SYN2: variants seen among roughly 807,000 people sequenced by gnomAD.
SYN2 encodes synapsin-2.
In SYN2, 19 loss-of-function variants were observed where a neutral mutation model predicts 50.9. That is an observed-to-expected ratio of 0.37 (90% CI 0.26 to 0.55). The LOEUF is 0.55. SYN2 is among the 20% of genes least tolerant of loss of function. The pLI, the probability that SYN2 is intolerant of heterozygous loss-of-function variation, is 0.81. For missense variants in SYN2, 587 were observed against 576.4 expected, an observed-to-expected ratio of 1.02 and a Z score of -0.19; for synonymous variants, 255 against 224.9, an observed-to-expected ratio of 1.13 and a Z score of -1.20.
chr3:12,157,886 A>G (rs937334169), intron 5 of SYN2, among the ~76,000 whole-genome samples: 3 of 152,172 alleles, frequency 2.0e-5, no homozygotes, highest in Non-Finnish European at 4.4e-5. Flanking sequence ...TACAGTTGAT[A>G]TTAGTAAATG....
At chr3:12,026,712 G>A (rs1279288266) in intron 1 of SYN2, among the ~76,000 whole-genome samples, 3 of 152,228 alleles carry the variant, frequency 2.0e-5, no homozygotes, top group African/African-American at 7.2e-5. Flanking sequence ...GCTAGGAGAC[G>A]TGGCTGGGAG....
chr3:12,016,328 T>C (rs1694029263), intron 1 of SYN2, among the ~76,000 whole-genome samples: 1 of 152,246 alleles, frequency 6.6e-6, no homozygotes, highest in African/African-American at 2.4e-5. Flanking sequence ...AATGTGTTAG[T>C]TGCCATGAAG....
chr3:12,119,516 T>C (rs1418013998), intron 1 of SYN2, among the ~76,000 whole-genome samples: 1 of 152,190 alleles, frequency 6.6e-6, no homozygotes, highest in Non-Finnish European at 1.5e-5. Flanking sequence ...TGCCAGCTCC[T>C]TTTTCCCCCC....
chr3:12,004,807 C>A lies in SYN2; in HGVS notation c.256C>A (p.Leu86Met). 2.4e-6 allele frequency: 1 copy of A among 418,728 alleles called. No homozygotes were observed. The highest frequency in any genetic ancestry group is 4.4e-5 in the Admixed American group (1 of 22,650). The allele number at this position is 418,728 out of a possible 1,614,324, so 25.9% of individuals were successfully genotyped here. The change falls in exon 1 of 13, where the codon CTG (leucine) becomes ATG (methionine). Residue 86 changes from leucine to methionine, a missense_variant. Coordinates refer to ENST00000621198, the MANE Select transcript of SYN2 (RefSeq NM_133625.6). ...GGTGGGCAGCAGCTTCTTCAGCTCG[C>A]TGTCCCAAGCCGTGAAGCAGACGGC... ...PSVGSSFFSSLSQAVKQTAAS... is the reference protein window; with the variant it reads ...PSVGSSFFSSMSQAVKQTAAS...
At chr3:12,158,568 A>G (rs1427544487) in intron 5 of SYN2, 10 of 1,358,090 alleles carry the variant, frequency 7.4e-6, no homozygotes, top group Non-Finnish European at 1.0e-5. Flanking sequence ...TTCTCCACCC[A>G]TCAGCCTCAG....
At chr3:12,083,983 C>G (rs1326280971) in intron 1 of SYN2, among the ~76,000 whole-genome samples, 1 of 152,010 alleles carries the variant, frequency 6.6e-6, no homozygotes. Flanking sequence ...TGGAATAGTC[C>G]CCTTGTTCAG....
At chr3:12,101,104 T>G (rs909796043) in intron 1 of SYN2, among the ~76,000 whole-genome samples, 7 of 152,198 alleles carry the variant, frequency 4.6e-5, no homozygotes, top group African/African-American at 1.4e-4. Context: ...AGAGTTACCA[T>G]ATGATCCAGA....
chr3:12,132,898 C>T (rs1421485868), intron 1 of SYN2, among the ~76,000 whole-genome samples: 1 of 152,166 alleles, frequency 6.6e-6, no homozygotes, highest in Non-Finnish European at 1.5e-5. Flanking sequence ...GGTTCCTTTA[C>T]CAGATTGTAG....
Position 12,067,616 on chromosome 3 carries a change from G to GAA in SYN2, c.377+62701_377+62702dup, listed in dbSNP as rs34794670. Reference sequence around the variant, plus strand: ...GCTCCAGACTCTCTTATCTTAACCAGAAAAAAAAAAAAAAGGAAAGAAAGA... The same window carrying GAA: ...GCTCCAGACTCTCTTATCTTAACCAGAAAAAAAAAAAAAAAAGGAAAGAAAGA... On this transcript the variant is annotated intron_variant, in intron 1 of 12. Transcript: ENST00000621198. 8.4e-4 allele frequency among the ~76,000 whole-genome samples: 110 copies of GAA among 130,686 alleles called. 1 individual carries two copies. The highest frequency in any genetic ancestry group is 2.5e-3 in the African/African-American group (90 of 36,212). 85.7% of individuals were successfully genotyped at this position (130,686 alleles called of 152,430 possible).
intron 1 of SYN2, among the ~76,000 whole-genome samples, chr3:12,126,931 G>A (rs909278108): frequency 3.3e-5 from 5 of 152,296 alleles, no homozygotes; most frequent in Admixed American, 1.3e-4. Flanking sequence ...TTTTAGAGCA[G>A]GGTAAAGTCT....
chr3:12,058,269 T>C (rs963733717), intron 1 of SYN2, among the ~76,000 whole-genome samples: 1 of 152,194 alleles, frequency 6.6e-6, no homozygotes, highest in Non-Finnish European at 1.5e-5. Context: ...ATGATCCCTT[T>C]AATGACGGTA....
At chr3:12,164,085 C>T (rs1317034357) in intron 7 of SYN2, among the ~76,000 whole-genome samples, 1 of 152,048 alleles carries the variant, frequency 6.6e-6, no homozygotes, top group Non-Finnish European at 1.5e-5. Flanking sequence ...AAGAAATATG[C>T]ACAATCTAAG....
At chr3:12,152,469 A>C (rs1697326729) in intron 5 of SYN2, among the ~76,000 whole-genome samples, 1 of 152,192 alleles carries the variant, frequency 6.6e-6, no homozygotes, top group Admixed American at 6.5e-5. Context: ...GCTGAAGGGT[A>C]CAGGGGGCTC....
chr3:12,164,180 C>T (rs962642697), intron 7 of SYN2, among the ~76,000 whole-genome samples: 5 of 152,098 alleles, frequency 3.3e-5, no homozygotes, highest in African/African-American at 1.2e-4. Flanking sequence ...AAGCAGATTA[C>T]CTATCTTTTA....
chr3:12,165,712 C>G (rs879432098), intron 7 of SYN2: 5 of 152,168 alleles, frequency 3.3e-5, no homozygotes, highest in African/African-American at 7.3e-5. Flanking sequence ...ACTCTCTGCC[C>G]CTGCCTTGAG....
At chr3:12,122,446 C>T (rs565144988) in intron 1 of SYN2, among the ~76,000 whole-genome samples, 70 of 152,232 alleles carry the variant, frequency 4.6e-4, no homozygotes, top group Admixed American at 5.9e-4. Context: ...GTCTTGGTAA[C>T]GCTGGGGCTT....
At chr3:12,033,426 C>T (rs920158177) in intron 1 of SYN2, among the ~76,000 whole-genome samples, 3 of 152,162 alleles carry the variant, frequency 2.0e-5, no homozygotes, top group African/African-American at 7.2e-5. Context: ...GTGCTGTGAC[C>T]AGTGGTAAGC....
chr3:12,027,941 A>G (rs1001356551), intron 1 of SYN2, among the ~76,000 whole-genome samples: 3 of 106,164 alleles, frequency 2.8e-5, no homozygotes, highest in Non-Finnish European at 6.5e-5. Flanking sequence ...GAAAGAGGTT[A>G]TAAGTAATTC....
chr3:12,010,947 G>C (rs750873576), intron 1 of SYN2, among the ~76,000 whole-genome samples: 1 of 152,208 alleles, frequency 6.6e-6, no homozygotes, highest in African/African-American at 2.4e-5. Context: ...ATTGGGACTT[G>C]TGGCTAAATC....
Sources: allele counts gnomAD v4.1 joint callset (sites outside exome capture counted in the v4.1 genomes callset), GRCh38; gene constraint gnomAD v4.1.1; transcripts MANE v1.5; gene names NCBI Gene and HGNC (gene_info 2026-07-23, HGNC 2026-07-21).